The following CFAP20DC variants were observed in gnomAD, a reference collection of about 807,000 sequenced individuals.
CFAP20DC encodes the protein CFAP20 domain containing, also known as protein CFAP20DC.
In CFAP20DC, 84 loss-of-function variants were observed where a neutral mutation model predicts 101.7. The observed-to-expected ratio is 0.83, with a 90% confidence interval of 0.69 to 0.99. The LOEUF is 0.99. Ranked by LOEUF, CFAP20DC falls within the 50% of genes least tolerant of loss-of-function variation. The probability of loss-of-function intolerance (pLI) is 0.00; values close to 1 mark genes in which losing one functional copy is unlikely to be tolerated. For synonymous variants in CFAP20DC, 359 were observed against 351.2 expected, an observed-to-expected ratio of 1.02 and a Z score of -0.25; for missense variants, 1,007 against 970.3, an observed-to-expected ratio of 1.04 and a Z score of -0.50.
At chr3:58,993,073 T>C (rs1437282243) in intron 4 of CFAP20DC, among the ~76,000 whole-genome samples, 2 of 152,162 alleles carry the variant, frequency 1.3e-5, no homozygotes, top group Admixed American at 1.3e-4. Flanking sequence ...ACTTTTCCAA[T>C]TGAGGAATTC....
chr3:58,719,994 T>G (rs2107043426), intron 3 of CFAP20DC, among the ~76,000 whole-genome samples: 1 of 152,364 alleles, frequency 6.6e-6, no homozygotes, highest in Admixed American at 6.5e-5. Flanking sequence ...TCTGGTTAAA[T>G]GTCTCCTTGG....
At chr3:58,939,468 TA>T (rs2088196054) in intron 4 of CFAP20DC, among the ~76,000 whole-genome samples, 2 of 152,150 alleles carry the variant, frequency 1.3e-5, no homozygotes, top group Admixed American at 1.3e-4. Flanking sequence ...TTTTATTTTT[TA>T]TTTTTTTGAG....
At chr3:58,946,084 C>T (rs1243064719) in intron 4 of CFAP20DC, among the ~76,000 whole-genome samples, 2 of 150,950 alleles carry the variant, frequency 1.3e-5, no homozygotes, top group African/African-American at 4.9e-5. Flanking sequence ...CTTGAAATGG[C>T]CTCTTTTACT....
At chr3:58,953,880 C>G (rs2090383836) in intron 4 of CFAP20DC, 1 of 152,076 alleles carries the variant, frequency 6.6e-6, no homozygotes, top group South Asian at 2.1e-4. Flanking sequence ...CTTAAGGATT[C>G]ATTTTTAAAA....
At chr3:58,810,062 T>C (rs1215229750) in intron 14 of CFAP20DC, among the ~76,000 whole-genome samples, 1 of 152,074 alleles carries the variant, frequency 6.6e-6, no homozygotes, top group African/African-American at 2.4e-5. Context: ...CAATAATCAA[T>C]AGCTTACCAA....
chr3:58,789,858 A>T (rs1559593066), intron 15 of CFAP20DC, among the ~76,000 whole-genome samples: 1 of 152,182 alleles, frequency 6.6e-6, no homozygotes, highest in African/African-American at 2.4e-5. Flanking sequence ...GGCTACCATC[A>T]TCATAATTAT....
intron 3 of CFAP20DC, chr3:58,726,904 A>C: frequency 4.1e-6 from 1 of 242,442 alleles, no homozygotes; most frequent in Non-Finnish European, 8.3e-6. Context: ...CACTCGCGCC[A>C]TCAGAAGAGA....
rs1306302348 is a variant in CFAP20DC, at chr3:58,964,898, T to A, written c.279-27136A>T. On this transcript the variant is annotated intron_variant, in intron 4 of 16. Coordinates refer to ENST00000482387, the MANE Select transcript of CFAP20DC (RefSeq NM_001394063.1). The surrounding 1 kb of genome is among the most constrained non-coding windows in gnomAD (Gnocchi z 4.1). The stretch of plus-strand genomic sequence containing the variant: ...TGATATGGACAGTCTAACACAATAG[T>A]GGACACTTGAAACCACTACTGAAAT... Among the ~76,000 whole-genome samples the A allele has an allele frequency of 6.6e-6, 1 of 152,196 alleles. No individual in the cohort carries two copies. Among genetic ancestry groups the A allele is most frequent in the Non-Finnish European group, 1.5e-5 (1 of 68,034 alleles).
At chr3:58,896,447 G>T (rs1440082107) in intron 6 of CFAP20DC, among the ~76,000 whole-genome samples, 1 of 151,914 alleles carries the variant, frequency 6.6e-6, no homozygotes, top group Non-Finnish European at 1.5e-5. Context: ...GTTTGCTCTT[G>T]TTTCTCTAGT....
chr3:58,762,729 C>G (rs2069769937), intron 15 of CFAP20DC, among the ~76,000 whole-genome samples: 2 of 152,162 alleles, frequency 1.3e-5, no homozygotes, highest in Non-Finnish European at 2.9e-5. Flanking sequence ...TTAGGGCAGA[C>G]CTGGTGGTGA....
rs9820985 is a variant in CFAP20DC at position 58,774,643 on chromosome 3, A to T, written c.2238-20780T>A. Among the ~76,000 whole-genome samples, 1,508 of 152,340 alleles carry T rather than the reference A, an allele frequency of 9.9e-3. 24 individuals carry two copies. The highest frequency in any genetic ancestry group is 0.035 in the African/African-American group (1,457 of 41,576). Reference sequence around the variant, plus strand: ...TCATCAGGAAAAGACACGCCAGGCAAAAAGAGATGAAATGTCCTTATTAGA... The same window carrying T: ...TCATCAGGAAAAGACACGCCAGGCATAAAGAGATGAAATGTCCTTATTAGA... On this transcript the variant is annotated intron_variant, in intron 15 of 16. Transcript: ENST00000482387.
rs538815157 is a variant in CFAP20DC at position 58,729,080 on chromosome 3, T to C, written c.198-11452A>G. Among the ~76,000 whole-genome samples, 1 of 152,322 alleles carries C rather than the reference T, an allele frequency of 6.6e-6. No homozygotes were observed. The highest frequency in any genetic ancestry group is 1.9e-4 in the East Asian group (1 of 5,184). On this transcript the variant is annotated intron_variant, in intron 3 of 3. Transcript: ENST00000486145. The surrounding 1 kb of genome is among the most constrained non-coding windows in gnomAD (Gnocchi z 4.4). ...TCCCAGCTCAAGTAAAACCTTCAGA[T>C]GGCTGCAGTCTGGACCAAAAAATCT... is the stretch of plus-strand genomic sequence containing the variant.
At chr3:58,963,585 G>A (rs1312455827) in intron 4 of CFAP20DC, among the ~76,000 whole-genome samples, 1 of 151,772 alleles carries the variant, frequency 6.6e-6, no homozygotes, top group African/African-American at 2.4e-5. Context: ...CCATTAGATG[G>A]TAACAGAGAA....
chr3:58,877,521 G>A (rs1245752423), intron 7 of CFAP20DC, among the ~76,000 whole-genome samples: 1 of 152,186 alleles, frequency 6.6e-6, no homozygotes, highest in African/African-American at 2.4e-5. Flanking sequence ...TCACCTGTGT[G>A]GTGTTATGAT....
intron 3 of CFAP20DC, chr3:58,734,621 C>T: frequency 2.2e-6 from 1 of 455,938 alleles, no homozygotes; most frequent in Non-Finnish European, 4.4e-6. Flanking sequence ...CATCCCATTT[C>T]TGCTCTGCAA....
intron 3 of CFAP20DC, among the ~76,000 whole-genome samples, chr3:59,043,274 CA>C (rs1205578857): frequency 6.6e-6 from 1 of 151,896 alleles, no homozygotes; most frequent in Non-Finnish European, 1.5e-5. Flanking sequence ...GGAAGAACCA[CA>C]AAAGGAGGCT....
At chr3:58,961,568 A>G (rs1322483257) in intron 4 of CFAP20DC, among the ~76,000 whole-genome samples, 2 of 152,118 alleles carry the variant, frequency 1.3e-5, no homozygotes, top group Admixed American at 6.5e-5. Context: ...AACAAAAACA[A>G]AAACAAAAAC....
chr3:58,816,240 C>T (rs945062894), intron 14 of CFAP20DC, among the ~76,000 whole-genome samples: 1 of 152,148 alleles, frequency 6.6e-6, no homozygotes, highest in African/African-American at 2.4e-5. Context: ...AATCATCATT[C>T]TCAGTAAACT....
At chr3:58,965,969 T>G (rs2108292692) in intron 4 of CFAP20DC, among the ~76,000 whole-genome samples, 1 of 152,314 alleles carries the variant, frequency 6.6e-6, no homozygotes, top group African/African-American at 2.4e-5. Context: ...GTGAGAACAC[T>G]GACAAAAATG....
Sources: allele counts gnomAD v4.1 joint callset (sites outside exome capture counted in the v4.1 genomes callset), GRCh38; gene constraint gnomAD v4.1.1; non-coding constraint Gnocchi (gnomAD v3.1); transcripts MANE v1.5; gene names NCBI Gene and HGNC (gene_info 2026-07-23, HGNC 2026-07-21).